The following NEK1 variants were observed in gnomAD, a reference collection of about 807,000 sequenced individuals.
NEK1 encodes the protein serine/threonine-protein kinase Nek1.
Under a neutral mutation model 182.1 loss-of-function variants are expected in NEK1, and 137 were observed. That is an observed-to-expected ratio of 0.75 (90% CI 0.65 to 0.87). NEK1 has a LOEUF of 0.87. Ranked by LOEUF, NEK1 falls within the 40% of genes least tolerant of loss-of-function variation. NEK1 has a pLI of 0.00. For synonymous variants in NEK1, 513 were observed against 492.2 expected (o/e 1.04, Z -0.56); for missense variants, 1,391 against 1,494.4 (o/e 0.93, Z 1.14).
At chr4:169,437,816 A>G (rs924283947) in intron 28 of NEK1, among the ~76,000 whole-genome samples, 1 of 152,220 alleles carries the variant, frequency 6.6e-6, no homozygotes, top group Non-Finnish European at 1.5e-5. Context: ...CACACGAATT[A>G]GGAAAAATCA....
intron 29 of NEK1, among the ~76,000 whole-genome samples, chr4:169,431,929 C>CCACA (rs145051207): frequency 1.0e-4 from 15 of 148,468 alleles, no homozygotes; most frequent in East Asian, 3.9e-4. Context: ...CATGGCAAAA[C>CCACA]CACACACACA....
chr4:169,542,420 G>A (rs969949042), intron 18 of NEK1, among the ~76,000 whole-genome samples: 1 of 152,160 alleles, frequency 6.6e-6, no homozygotes, highest in Non-Finnish European at 1.5e-5. Flanking sequence ...ATTTGGGTTG[G>A]TTCCAAGTCT....
In NEK1 at chr4:169,434,202, G is replaced by GT. The variant is rs70964203; in HGVS notation, c.2765-538dup. Among the ~76,000 whole-genome samples, 492 of 81,596 alleles carry GT rather than the reference G, an allele frequency of 6.0e-3. 7 individuals carry two copies. The highest frequency in any genetic ancestry group is 8.6e-3 in the East Asian group (23 of 2,684). 53.5% of individuals were successfully genotyped at this position (81,596 alleles called of 152,430 possible). A position where few individuals can be genotyped will look rare whatever the true frequency, so the allele number is the denominator to read the frequency against. On this transcript the variant is annotated intron_variant, in intron 28 of 35. Transcript: ENST00000507142. ...ATCTATTTTCTTAGACACTCAAATA[G>GT]TTTTTTTTTTTTTTTTTTTTTTTGA...
chr4:169,530,555 T>A (rs1757512471), intron 19 of NEK1, among the ~76,000 whole-genome samples: 1 of 152,120 alleles, frequency 6.6e-6, no homozygotes, highest in African/African-American at 2.4e-5. Flanking sequence ...GTTTTGTAGG[T>A]TAAGTGCAAT....
chr4:169,514,652 A>T (rs984033344), intron 19 of NEK1, among the ~76,000 whole-genome samples: 6 of 152,202 alleles, frequency 3.9e-5, no homozygotes, highest in Non-Finnish European at 8.8e-5. Flanking sequence ...GAATTTATGA[A>T]TGTAAAGTTG....
rs761879936 is a variant in NEK1, at chr4:169,590,683, T to C, written c.396+43A>G. Reference sequence around the variant, plus strand: ...TTGGCCCAAAACAATGAAGGTTCCATGTCTTTATCCATTCAGAAGTTATCA... The same window carrying C: ...TTGGCCCAAAACAATGAAGGTTCCACGTCTTTATCCATTCAGAAGTTATCA... On this transcript the variant is annotated intron_variant, in intron 6 of 35. Coordinates refer to ENST00000507142, the MANE Select transcript of NEK1 (RefSeq NM_001199397.3). 22 of 1,414,434 alleles carry C rather than the reference T, an allele frequency of 1.6e-5. 1 individual carries two copies. Among genetic ancestry groups the C allele is most frequent in the Middle Eastern group, 1.8e-4 (1 of 5,700 alleles). The allele number at this position is 1,414,434 out of a possible 1,614,324, so 87.6% of individuals were successfully genotyped here.
intron 12 of NEK1, among the ~76,000 whole-genome samples, chr4:169,564,540 T>G (rs1325325108): frequency 6.6e-6 from 1 of 152,074 alleles, no homozygotes; most frequent in East Asian, 1.9e-4. Flanking sequence ...AAATTCAAAA[T>G]ATTACAAAAT....
intron 18 of NEK1, among the ~76,000 whole-genome samples, chr4:169,541,234 CTG>C (rs1384166114): frequency 1.3e-5 from 2 of 152,078 alleles, no homozygotes; most frequent in Non-Finnish European, 2.9e-5. Flanking sequence ...TGGAACGAAA[CTG>C]TTGTTAGTTT....
At chr4:169,571,183 TAAA>T in intron 12 of NEK1, among the ~76,000 whole-genome samples, 1 of 77,994 alleles carries the variant, frequency 1.3e-5, no homozygotes. Context: ...AATAAAAAAA[TAAA>T]TAAATAAATA....
chr4:169,536,967 T>C (rs542558969), intron 19 of NEK1, among the ~76,000 whole-genome samples: 42 of 152,308 alleles, frequency 2.8e-4, no homozygotes, highest in African/African-American at 1.0e-3. Flanking sequence ...TTCTATGACA[T>C]TGTTTCAAAG....
chr4:169,430,903 AT>A (rs907189393), intron 29 of NEK1, among the ~76,000 whole-genome samples: 5 of 151,956 alleles, frequency 3.3e-5, no homozygotes, highest in Non-Finnish European at 7.4e-5. Context: ...ATTTTTGCTC[AT>A]TTTTTTGTAA....
chr4:169,445,863 T>TATATATATATATATATATATATAC (rs1554034324), intron 27 of NEK1, among the ~76,000 whole-genome samples: 32 of 130,880 alleles, frequency 2.4e-4, no homozygotes, highest in African/African-American at 9.1e-4. Flanking sequence ...TATATATATA[T>TATATATATATATATATATATATAC]ATACACACAC....
Position 169,509,244 on chromosome 4 carries a change from A to G in NEK1, c.1666-392T>C, listed in dbSNP as rs1446013811. On this transcript the variant is annotated intron_variant, in intron 19 of 35. Coordinates refer to ENST00000507142, the MANE Select transcript of NEK1 (RefSeq NM_001199397.3). ...CTATATATATACTAAACACATACAAAATAAGATATTTGAGATCACTTTTTC... is the reference window on the plus strand; with the variant it reads ...CTATATATATACTAAACACATACAAGATAAGATATTTGAGATCACTTTTTC... Among the ~76,000 whole-genome samples the G allele has an allele frequency of 2.6e-5, 4 of 152,268 alleles. No individual in the cohort carries two copies. In the East Asian group the frequency reaches 7.7e-4, roughly 29 times the overall value.
At chr4:169,495,942 AG>A (rs1751173803) in intron 23 of NEK1, among the ~76,000 whole-genome samples, 1 of 152,136 alleles carries the variant, frequency 6.6e-6, no homozygotes, top group Non-Finnish European at 1.5e-5. Flanking sequence ...CTGTGAAGAA[AG>A]TCATTGGTAG....
rs570539224 is a variant in NEK1, at chr4:169,417,803, C to T, written c.3222+6750G>A. Among the ~76,000 whole-genome samples, 109 of 152,320 alleles carry T rather than the reference C, an allele frequency of 7.2e-4. 2 individuals are homozygous for T. Among genetic ancestry groups the T allele is most frequent in the Middle Eastern group, 3.4e-3 (1 of 294 alleles). On this transcript the variant is annotated intron_variant, in intron 31 of 35. Transcript: ENST00000507142. ...AATAAGCAGCACAAGACTGTGATCC[C>T]TGTGAGAAGGGAAATGAATGAAGTA...
intron 12 of NEK1, among the ~76,000 whole-genome samples, chr4:169,573,882 G>T (rs1765262006): frequency 6.6e-6 from 1 of 152,202 alleles, no homozygotes; most frequent in Non-Finnish European, 1.5e-5. Context: ...AAATAAGCCA[G>T]GCACGGTGGC....
intron 19 of NEK1, among the ~76,000 whole-genome samples, chr4:169,526,376 C>T (rs1026605551): frequency 1.3e-5 from 2 of 152,140 alleles, no homozygotes; most frequent in Admixed American, 1.3e-4. Context: ...ATAGACCCAG[C>T]TACTCAGGAG....
chr4:169,467,894 T>C (rs1352322162), intron 26 of NEK1, among the ~76,000 whole-genome samples: 5 of 152,060 alleles, frequency 3.3e-5, no homozygotes, highest in African/African-American at 4.8e-5. Context: ...GATCTAAACA[T>C]ACCAGTTAAA....
rs1762104438 is a variant in NEK1, at chr4:169,555,949, A to G, written c.1413T>C (p.Gly471=). The part of the protein sequence containing the change: ...NEAKWKREIY[G]RGLPERGILP... ...AGCCATACCTTTCTGGAAGACCTCG[A>G]CCATATATTTCTCTTTTCCATTTAG... Residue 471 remains glycine, a synonymous_variant, in exon 17 of 36, where the codon GGT becomes GGC. Coordinates refer to ENST00000507142, the MANE Select transcript of NEK1 (RefSeq NM_001199397.3). The G allele has an allele frequency of 6.2e-7, 1 of 1,613,636 alleles. No homozygotes were observed. Among genetic ancestry groups the G allele is most frequent in the Non-Finnish European group, 8.5e-7 (1 of 1,179,772 alleles).
Sources: allele counts gnomAD v4.1 joint callset (sites outside exome capture counted in the v4.1 genomes callset), GRCh38; gene constraint gnomAD v4.1.1; transcripts MANE v1.5; gene names NCBI Gene and HGNC (gene_info 2026-07-23, HGNC 2026-07-21).